The following FRMD4A variants were observed in gnomAD, a reference collection of about 807,000 sequenced individuals.
The protein encoded by FRMD4A is FERM domain-containing protein 4A.
Under a neutral mutation model 129.1 loss-of-function variants are expected in FRMD4A, and 29 were observed. The ratio of observed to expected loss-of-function variants is 0.22; its 90% CI spans 0.17 to 0.31. FRMD4A has a LOEUF of 0.31. FRMD4A is among the 10% of genes least tolerant of loss of function. The pLI, the probability that FRMD4A is intolerant of heterozygous loss-of-function variation, is 1.00. For missense variants in FRMD4A, 1,272 were observed against 1,375.8 expected (o/e 0.92, Z 1.19); for synonymous variants, 634 against 571.6 (o/e 1.11, Z -1.56).
chr10:13,744,547 G>T (rs1286168316), intron 9 of FRMD4A: 1 of 152,230 alleles, frequency 6.6e-6, no homozygotes, highest in Non-Finnish European at 1.5e-5. Context: ...TTGCAGAGGA[G>T]AAATTGATGA....
chr10:14,182,058 T>C (rs1841931917), intron 2 of FRMD4A, among the ~76,000 whole-genome samples: 1 of 152,240 alleles, frequency 6.6e-6, no homozygotes, highest in Non-Finnish European at 1.5e-5. Context: ...CAAACCACTT[T>C]CAAAAGCTTT....
chr10:13,923,499 C>T (rs2095096619), intron 2 of FRMD4A, among the ~76,000 whole-genome samples: 1 of 152,158 alleles, frequency 6.6e-6, no homozygotes, highest in Non-Finnish European at 1.5e-5. Context: ...CATACGTACA[C>T]ACACATAAAC....
intron 2 of FRMD4A, among the ~76,000 whole-genome samples, chr10:14,203,051 G>A (rs1842685085): frequency 6.6e-6 from 1 of 152,104 alleles, no homozygotes; most frequent in African/African-American, 2.4e-5. Flanking sequence ...GAGATTACAG[G>A]TGTGAGCCAC....
At chr10:14,008,303 T>G (rs2095669780) in intron 2 of FRMD4A, 11 of 1,038,116 alleles carry the variant, frequency 1.1e-5, no homozygotes, top group Non-Finnish European at 1.3e-5. Context: ...AGAGTTTTTC[T>G]TTCGACCATC....
intron 5 of FRMD4A, among the ~76,000 whole-genome samples, chr10:13,795,088 T>C (rs949939008): frequency 3.9e-5 from 6 of 152,174 alleles, no homozygotes; most frequent in Admixed American, 3.9e-4. Context: ...CTAATGTTGG[T>C]GAACATCACC....
At chr10:14,315,332 G>T (rs1276467851) in intron 2 of FRMD4A, among the ~76,000 whole-genome samples, 1 of 152,104 alleles carries the variant, frequency 6.6e-6, no homozygotes, top group Non-Finnish European at 1.5e-5. Context: ...TCCTTGAAAT[G>T]AATGTGTCCA....
rs7901259 is a variant in FRMD4A at position 13,735,124 on chromosome 10, C to T, written c.759+2720G>A. Among the ~76,000 whole-genome samples the T allele has an allele frequency of 2.6e-3, 400 of 152,284 alleles. 1 individual carries two copies. The highest frequency in any genetic ancestry group is 9.2e-3 in the African/African-American group (381 of 41,560). The stretch of plus-strand genomic sequence containing the variant: ...CTGAACTCAAGTGATCCACCCGCCT[C>T]GGCCTCCCAAAGTGCTGGGATTACA... On this transcript the variant is annotated intron_variant, in intron 12 of 24. Transcript: ENST00000357447.
In FRMD4A at chr10:13,955,330, A is replaced by T. The variant is rs147555944; in HGVS notation, c.46-96418T>A. On this transcript the variant is annotated intron_variant, in intron 2 of 24. Transcript: ENST00000357447. ...GCCATGTTGGCCAGGCTGGTCTCGA[A>T]CTCCTGACCTAAAGTGTTCTCCCTG... Among the ~76,000 whole-genome samples the T allele has an allele frequency of 1.1e-3, 170 of 151,968 alleles. 3 individuals carry two copies. In the East Asian group the frequency reaches 0.025, roughly 22 times the overall value.
At chr10:13,724,994 CT>C (rs1463974139) in intron 12 of FRMD4A, among the ~76,000 whole-genome samples, 1 of 152,150 alleles carries the variant, frequency 6.6e-6, no homozygotes, top group Non-Finnish European at 1.5e-5. Flanking sequence ...GTGGGGTTAC[CT>C]ACTTAGAAAC....
chr10:14,075,121 C>A (rs1285348055), intron 2 of FRMD4A, among the ~76,000 whole-genome samples: 1 of 152,220 alleles, frequency 6.6e-6, no homozygotes, highest in Admixed American at 6.5e-5. Context: ...AAGGTCACCA[C>A]TGGTCACTAG....
At position 13,847,145 on chromosome 10, in the gene FRMD4A, C is replaced by A. The variant is rs574417861; in HGVS notation, c.111+11702G>T. 7.7e-4 allele frequency among the ~76,000 whole-genome samples: 118 copies of A among 152,264 alleles called. 1 individual carries two copies. In the South Asian group the frequency reaches 0.024, roughly 31 times the overall value. ...CAAAGCAGGTGCAAGAACAAGATGA[C>A]CCGGGTTGGAGGAGGAGTAGGAATG... On this transcript the variant is annotated intron_variant, in intron 3 of 24. Coordinates refer to ENST00000357447, the MANE Select transcript of FRMD4A (RefSeq NM_018027.5).
chr10:13,845,494 T>C (rs978049844), intron 3 of FRMD4A, among the ~76,000 whole-genome samples: 3 of 152,176 alleles, frequency 2.0e-5, no homozygotes, highest in Admixed American at 6.5e-5. Context: ...GCACCATAAA[T>C]TATGTAGCAC....
At chr10:13,795,570 G>C (rs2093097735) in intron 5 of FRMD4A, among the ~76,000 whole-genome samples, 1 of 152,270 alleles carries the variant, frequency 6.6e-6, no homozygotes, top group African/African-American at 2.4e-5. Context: ...TCTCGCTCCT[G>C]AATTTCTGTT....
intron 2 of FRMD4A, among the ~76,000 whole-genome samples, chr10:14,067,353 C>G (rs1835111506): frequency 6.6e-6 from 1 of 151,786 alleles, no homozygotes; most frequent in African/African-American, 2.4e-5. Context: ...ATATTAATGA[C>G]AAGTATTTAG....
intron 2 of FRMD4A, among the ~76,000 whole-genome samples, chr10:13,955,049 C>T (rs1021515333): frequency 2.0e-5 from 3 of 150,570 alleles, no homozygotes; most frequent in Admixed American, 2.0e-4. Flanking sequence ...AAGCATACCT[C>T]ATATTCAATT....
chr10:13,656,527 G>A (rs143264944), intron 22 of FRMD4A, 109 bp downstream of exon 22: 253 of 1,204,556 alleles, frequency 2.1e-4, no homozygotes, highest in Non-Finnish European at 1.5e-4. Context: ...AATGATTCCC[G>A]TTCCTCACTG....
At chr10:14,329,645 C>T (rs1488146057) in intron 2 of FRMD4A, among the ~76,000 whole-genome samples, 1 of 152,192 alleles carries the variant, frequency 6.6e-6, no homozygotes, top group Non-Finnish European at 1.5e-5. Context: ...AAGAAGACCC[C>T]ATTCTGTCAC....
At chr10:13,776,146 G>A (rs757399393) in intron 6 of FRMD4A, among the ~76,000 whole-genome samples, 27 of 152,016 alleles carry the variant, frequency 1.8e-4, no homozygotes, top group African/African-American at 2.4e-4. Context: ...TCTGTCCACC[G>A]GGCTGGAGTG....
At chr10:14,108,827 T>G (rs1300852421) in intron 2 of FRMD4A, among the ~76,000 whole-genome samples, 1 of 152,094 alleles carries the variant, frequency 6.6e-6, no homozygotes, top group South Asian at 2.1e-4. Context: ...AATTACTCCA[T>G]AGAAACAAAA....
Sources: allele counts gnomAD v4.1 joint callset (sites outside exome capture counted in the v4.1 genomes callset), GRCh38; gene constraint gnomAD v4.1.1; transcripts MANE v1.5; gene names NCBI Gene and HGNC (gene_info 2026-07-23, HGNC 2026-07-21).